Variants in GARRE1 observed in about 807,000 individuals in gnomAD.
GARRE1 encodes the protein granule associated Rac and RHOG effector 1.
Under a neutral mutation model 103.2 loss-of-function variants are expected in GARRE1, and 49 were observed. The observed-to-expected ratio is 0.47, with a 90% CI of 0.38 to 0.60. GARRE1 has a LOEUF of 0.60. Among genes scored for constraint, GARRE1 ranks in the 20% least tolerant of loss-of-function variants. GARRE1 has a pLI of 0.00. For missense variants in GARRE1, 1,199 were observed against 1,370.5 expected, an observed-to-expected ratio of 0.87 and a Z score of 1.98; for synonymous variants, 505 against 532.8, an observed-to-expected ratio of 0.95 and a Z score of 0.72.
chr19:34,282,049 A>C (rs1355268855), intron 1 of GARRE1, among the ~76,000 whole-genome samples: 1 of 151,708 alleles, frequency 6.6e-6, no homozygotes, highest in Non-Finnish European at 1.5e-5. Flanking sequence ...ACCTTACTTC[A>C]TTCCCATTTT....
intron 2 of GARRE1, among the ~76,000 whole-genome samples, chr19:34,317,988 G>A (rs1359404407): frequency 6.6e-6 from 1 of 152,218 alleles, no homozygotes; most frequent in African/African-American, 2.4e-5. Context: ...CTCTGAAGGA[G>A]GTGTGAGTGG....
intron 1 of GARRE1, among the ~76,000 whole-genome samples, chr19:34,259,898 A>G (rs1040112609): frequency 2.0e-5 from 3 of 152,330 alleles, no homozygotes; most frequent in Non-Finnish European, 2.9e-5. Context: ...TGATGGCTTT[A>G]TAAGGGGCTT....
chr19:34,304,004 G>A (rs1418414969), intron 2 of GARRE1, among the ~76,000 whole-genome samples: 2 of 152,104 alleles, frequency 1.3e-5, no homozygotes, highest in Non-Finnish European at 2.9e-5. Context: ...GATGGGGTTT[G>A]GCCGATGGGT....
intron 10 of GARRE1, among the ~76,000 whole-genome samples, chr19:34,346,506 G>C (rs2074211801): frequency 6.6e-6 from 1 of 152,102 alleles, no homozygotes; most frequent in Non-Finnish European, 1.5e-5. Context: ...CTATCTGGCT[G>C]ACCCCAATGC....
chr19:34,264,734 A>G (rs1237932057), intron 1 of GARRE1, among the ~76,000 whole-genome samples: 1 of 152,160 alleles, frequency 6.6e-6, no homozygotes, highest in Admixed American at 6.6e-5. Context: ...TTTTCTTGGC[A>G]TATATGAGAC....
intron 1 of GARRE1, among the ~76,000 whole-genome samples, chr19:34,279,760 C>T (rs944197361): frequency 5.9e-5 from 9 of 151,548 alleles, no homozygotes; most frequent in African/African-American, 2.2e-4. Flanking sequence ...CCGAGGCGGG[C>T]GGATCACGAG....
At chr19:34,255,840 G>A (rs780414058) in intron 1 of GARRE1, among the ~76,000 whole-genome samples, 7 of 148,436 alleles carry the variant, frequency 4.7e-5, no homozygotes, top group Non-Finnish European at 1.0e-4. Flanking sequence ...GGGGTCAAAG[G>A]TAACTTTATT....
rs545818491 is a variant in GARRE1, at chr19:34,339,911, G to A, written c.1406G>A (p.Ser469Asn). Residue 469 changes from serine to asparagine, a missense_variant, in exon 9 of 14, where the codon AGC (serine) becomes AAC (asparagine). Physicochemically the swap from Ser to Asn is conservative, Grantham distance 46. Transcript: ENST00000299505. ...DPATMSLLQR[S>N]LDPEKTLGLV... is the part of the protein sequence containing the mutation. Reference sequence around the variant, plus strand: ...GCTACCATGTCCCTGCTGCAGAGAAGCCTTGATCCTGAGAAGACCCTGGGT... The same window carrying A: ...GCTACCATGTCCCTGCTGCAGAGAAACCTTGATCCTGAGAAGACCCTGGGT... The A allele has an allele frequency of 1.2e-6, 2 of 1,614,174 alleles. No individual in the cohort carries two copies. The highest frequency in any genetic ancestry group is 1.7e-6 in the Non-Finnish European group (2 of 1,180,024).
intron 12 of GARRE1, among the ~76,000 whole-genome samples, chr19:34,350,419 C>G (rs1341751362): frequency 6.6e-6 from 1 of 152,242 alleles, no homozygotes. Flanking sequence ...GAAGTCACAT[C>G]TGGCACCATC....
In GARRE1 at chr19:34,300,316, C is replaced by T. The variant is rs930709604; in HGVS notation, c.-158C>T. 1.4e-6 allele frequency: 1 copy of T among 701,392 alleles called. No homozygotes were observed. Among genetic ancestry groups the T allele is most frequent in the African/African-American group, 1.8e-5 (1 of 56,394 alleles). 43.4% of individuals were successfully genotyped at this position (701,392 alleles called of 1,614,324 possible). On this transcript the variant is annotated 5_prime_UTR_variant, in exon 2 of 14. Coordinates refer to ENST00000299505, the MANE Select transcript of GARRE1 (RefSeq NM_014686.5). ...ATTATATAAACCTGTTGTCTCTCACCTCTACATTGGATCACATGGTCACCT... is the reference window on the plus strand; with the variant it reads ...ATTATATAAACCTGTTGTCTCTCACTTCTACATTGGATCACATGGTCACCT...
intron 2 of GARRE1, among the ~76,000 whole-genome samples, chr19:34,318,665 T>G (rs2074071031): frequency 6.6e-6 from 1 of 152,208 alleles, no homozygotes; most frequent in African/African-American, 2.4e-5. Flanking sequence ...AAAACAACTA[T>G]GAGAAATTAG....
chr19:34,355,173 C>T lies in GARRE1; in HGVS notation c.*2218C>T, dbSNP rs2145294350. ...GGACAGAGGTCAATCCTTGATGCTC[C>T]AGCACAGGTGACGTCACTAATTGTC... On this transcript the variant is annotated 3_prime_UTR_variant, in exon 14 of 14. Transcript: ENST00000299505. 1.3e-5 allele frequency: 2 copies of T among 152,786 alleles called. No individual in the cohort carries two copies. Among genetic ancestry groups the T allele is most frequent in the South Asian group, 4.1e-4 (2 of 4,832 alleles). The allele number at this position is 152,786 out of a possible 1,614,324, so 9.5% of individuals were successfully genotyped here.
At chr19:34,352,573 C>A in intron 13 of GARRE1, 74 bp from the exon 14 acceptor site, 1 of 1,290,896 alleles carries the variant, frequency 7.7e-7, no homozygotes, top group Non-Finnish European at 1.1e-6. Flanking sequence ...GGAATAAGGG[C>A]CAGGCATCTG....
intron 1 of GARRE1, among the ~76,000 whole-genome samples, chr19:34,276,020 G>C (rs2073815174): frequency 9.2e-5 from 14 of 151,996 alleles, no homozygotes; most frequent in Admixed American, 9.2e-4. Context: ...CATCTTTGGA[G>C]GGTTCATCTA....
At chr19:34,298,850 G>A (rs1227281567) in intron 1 of GARRE1, among the ~76,000 whole-genome samples, 1 of 152,116 alleles carries the variant, frequency 6.6e-6, no homozygotes, top group African/African-American at 2.4e-5. Flanking sequence ...ACAGTATTCC[G>A]CTGTTGTAGG....
chr19:34,296,643 T>C (rs1176329858), intron 1 of GARRE1: 1 of 1,062,868 alleles, frequency 9.4e-7, no homozygotes, highest in Non-Finnish European at 1.4e-6. Context: ...GTCCATCCAC[T>C]TAAGAGATTT....
rs763390949 is a variant in GARRE1, at chr19:34,300,497, C to T, written c.24C>T (p.Asp8=). The T allele has an allele frequency of 3.7e-6, 6 of 1,606,518 alleles. No homozygotes were observed. Among genetic ancestry groups the T allele is most frequent in the South Asian group, 1.1e-5 (1 of 89,928 alleles). MYCCSAQ[D]SKMDYKRRFL... is the part of the protein sequence containing the mutation. ...GCATGTATTGCTGCAGTGCCCAGGA[C>T]AGTAAAATGGACTACAAGCGGCGCT... Residue 8 remains aspartate (D), a synonymous_variant, in exon 2 of 14, where the codon GAC becomes GAT. Transcript: ENST00000299505.
Position 34,352,773 on chromosome 19 carries a change from A to G in GARRE1, c.3031A>G (p.Thr1011Ala), listed in dbSNP as rs528706783. 2.5e-6 allele frequency: 4 copies of G among 1,614,010 alleles called. No individual in the cohort carries two copies. The East Asian group carries it at 6.7e-5, about 27-fold the overall frequency. Residue 1011 changes from threonine (T) to alanine (A), a missense_variant, in exon 14 of 14, where the codon ACC becomes GCC. Physicochemically the swap from Thr to Ala is moderately conservative, Grantham distance 58. Coordinates refer to ENST00000299505, the MANE Select transcript of GARRE1 (RefSeq NM_014686.5). ...VTSPGSQWND[T>A]MQMLQSPVWA... ...CAGCCCTGGCAGCCAGTGGAACGACACCATGCAGATGCTGCAGTCCCCAGT... is the reference window on the plus strand; with the variant it reads ...CAGCCCTGGCAGCCAGTGGAACGACGCCATGCAGATGCTGCAGTCCCCAGT...
chr19:34,301,684 A>AT (rs766284048), intron 2 of GARRE1, among the ~76,000 whole-genome samples: 1,952 of 140,178 alleles, frequency 0.014, 33 homozygotes, highest in African/African-American at 0.043. Flanking sequence ...TTATTTGTGG[A>AT]TTTTTTTTTT....
Sources: allele counts gnomAD v4.1 joint callset (sites outside exome capture counted in the v4.1 genomes callset), GRCh38; gene constraint gnomAD v4.1.1; transcripts MANE v1.5; gene names NCBI Gene and HGNC (gene_info 2026-07-23, HGNC 2026-07-21).